The following HDAC4 variants were observed in gnomAD, a reference collection of about 807,000 sequenced individuals.
The protein encoded by HDAC4 is histone deacetylase 4.
In HDAC4, 16 loss-of-function variants were observed where a neutral mutation model predicts 135.1. The observed-to-expected ratio is 0.12, with a 90% CI of 0.08 to 0.18. The LOEUF is 0.18. HDAC4 is among the 10% of genes least tolerant of loss of function. The pLI, the probability that HDAC4 is intolerant of heterozygous loss-of-function variation, is 1.00. For synonymous variants in HDAC4, 685 were observed against 653.4 expected, an observed-to-expected ratio of 1.05 and a Z score of -0.74; for missense variants, 1,143 against 1,511.8, an observed-to-expected ratio of 0.76 and a Z score of 4.05.
At chr2:239,124,870 C>T (rs1162032757) in intron 12 of HDAC4, among the ~76,000 whole-genome samples, 4 of 100,486 alleles carry the variant, frequency 4.0e-5, no homozygotes, top group Non-Finnish European at 8.1e-5. Flanking sequence ...GGTGTGCTGG[C>T]GTGTGGCCGC....
intron 2 of HDAC4, among the ~76,000 whole-genome samples, chr2:239,252,765 G>C (rs1021601397): frequency 1.3e-5 from 2 of 152,204 alleles, no homozygotes; most frequent in African/African-American, 2.4e-5. Flanking sequence ...ATAGCTCTAA[G>C]AACAGAGTTA....
chr2:239,171,888 T>C (rs977417818), intron 5 of HDAC4, among the ~76,000 whole-genome samples: 2 of 152,172 alleles, frequency 1.3e-5, no homozygotes, highest in East Asian at 3.9e-4. Flanking sequence ...CCTAGAATTC[T>C]ATACTCAGCA....
At chr2:239,188,772 A>G (rs2044712981) in intron 4 of HDAC4, among the ~76,000 whole-genome samples, 1 of 152,240 alleles carries the variant, frequency 6.6e-6, no homozygotes, top group South Asian at 2.1e-4. Context: ...CATGTTGGCC[A>G]TGCTTCCTCT....
intron 2 of HDAC4, among the ~76,000 whole-genome samples, chr2:239,272,193 A>G (rs6705378): frequency 0.47 from 71,838 of 152,082 alleles, 18,056 homozygotes; most frequent in African/African-American, 0.65. Context: ...ATTTACATTC[A>G]ACAGAAGCCA....
chr2:239,394,329 T>C lies in HDAC4; in HGVS notation c.-220+6649A>G, dbSNP rs139219770. Among the ~76,000 whole-genome samples, 181 of 152,358 alleles carry C rather than the reference T, an allele frequency of 1.2e-3. 1 individual carries two copies. Among genetic ancestry groups the C allele is most frequent in the African/African-American group, 4.3e-3 (177 of 41,580 alleles). ...ATGTTTATGTACACAAACATATTAA[T>C]GTATCATATTAAAATTATGACGCTA... On this transcript the variant is annotated intron_variant, in intron 1 of 26. Transcript: ENST00000543185.
At position 239,232,814 on chromosome 2, in the gene HDAC4, T is replaced by TC. The variant is rs202151590; in HGVS notation, c.94+3778dup. Among the ~76,000 whole-genome samples the TC allele has an allele frequency of 3.7e-4, 5 of 13,634 alleles. 1 individual carries two copies. The highest frequency in any genetic ancestry group is 5.7e-3 in the East Asian group (1 of 176). The allele number at this position is 13,634 out of a possible 152,430, so 8.9% of individuals were successfully genotyped here. A position where few individuals can be genotyped will look rare whatever the true frequency, so the allele number is the denominator to read the frequency against. On this transcript the variant is annotated intron_variant, in intron 3 of 26. Transcript: ENST00000543185. Reference sequence around the variant, plus strand: ...CCCTCACCAAGCCAAGGGTGGCCCTTCCCTCACCAAGCCAAGGGTGGCCCT... The same window carrying TC: ...CCCTCACCAAGCCAAGGGTGGCCCTTCCCCTCACCAAGCCAAGGGTGGCCCT...
rs1014349856 is a variant in HDAC4, at chr2:239,299,460, G to A, written c.22+53218C>T. On this transcript the variant is annotated intron_variant, in intron 2 of 26. Transcript: ENST00000543185. The surrounding 1 kb of genome is among the most constrained non-coding windows in gnomAD (Gnocchi z 4.0). ...ATTCTGATCCCCTCGCACAACCACG[G>A]CACTGGGGTGCCGAAACCAGAAGAG... Among the ~76,000 whole-genome samples the A allele has an allele frequency of 2.0e-5, 3 of 152,192 alleles. No homozygotes were observed. Among genetic ancestry groups the A allele is most frequent in the Non-Finnish European group, 2.9e-5 (2 of 68,032 alleles).
At chr2:239,242,577 G>A (rs185342865) in intron 2 of HDAC4, among the ~76,000 whole-genome samples, 1 of 152,228 alleles carries the variant, frequency 6.6e-6, no homozygotes, top group Non-Finnish European at 1.5e-5. Context: ...ATAGAATCAG[G>A]TCACGTACAA....
At position 239,156,672 on chromosome 2, in the gene HDAC4, T is replaced by C; in HGVS notation, c.713A>G (p.Asp238Gly). 2 of 1,614,056 alleles carry C rather than the reference T, an allele frequency of 1.2e-6. No homozygotes were observed. Among genetic ancestry groups the C allele is most frequent in the Non-Finnish European group, 1.7e-6 (2 of 1,179,992 alleles). Residue 238 changes from aspartate to glycine, a missense_variant, in exon 7 of 27, where the codon GAC becomes GGC. Transcript: ENST00000543185. ...CTGACCTGTTTTCCTAAGAGGGAAG[T>C]CATCTTTGGCGTCGTACATTCCCAG... ...PVLGMYDAKD[D>G]FPLRKTASEP...
intron 7 of HDAC4, among the ~76,000 whole-genome samples, chr2:239,145,720 T>G (rs2041712059): frequency 6.6e-6 from 1 of 152,198 alleles, no homozygotes; most frequent in African/African-American, 2.4e-5. Flanking sequence ...TTACCTCTTC[T>G]TAAAGAATCA....
intron 5 of HDAC4, among the ~76,000 whole-genome samples, chr2:239,168,355 T>A (rs1363636921): frequency 1.3e-5 from 2 of 152,148 alleles, no homozygotes; most frequent in East Asian, 3.9e-4. Context: ...GTGTCTTAGA[T>A]TCCCAAGTGC....
intron 2 of HDAC4, among the ~76,000 whole-genome samples, chr2:239,259,496 C>T (rs2049229033): frequency 6.6e-6 from 1 of 152,170 alleles, no homozygotes; most frequent in Non-Finnish European, 1.5e-5. Context: ...TTATAAATTA[C>T]CTATATGCCA....
intron 3 of HDAC4, among the ~76,000 whole-genome samples, chr2:239,211,443 C>G (rs551279859): frequency 6.6e-6 from 1 of 152,294 alleles, no homozygotes; most frequent in African/African-American, 2.4e-5. Context: ...CTGCACACAT[C>G]TTGACTGGGT....
intron 12 of HDAC4, among the ~76,000 whole-genome samples, chr2:239,126,191 C>T (rs368064250): frequency 4.6e-5 from 7 of 152,330 alleles, no homozygotes; most frequent in South Asian, 2.1e-4. Flanking sequence ...GGAACTCACA[C>T]GGGCTGGTGG....
intron 2 of HDAC4, among the ~76,000 whole-genome samples, chr2:239,254,813 A>G (rs1206065980): frequency 2.6e-5 from 4 of 152,268 alleles, no homozygotes; most frequent in African/African-American, 7.2e-5. Flanking sequence ...ATTAGGATAA[A>G]TAAGTGTGAA....
intron 2 of HDAC4, among the ~76,000 whole-genome samples, chr2:239,339,150 C>G (rs914083500): frequency 2.0e-5 from 3 of 152,218 alleles, no homozygotes; most frequent in African/African-American, 7.2e-5. Context: ...CATCAGCCAC[C>G]TGCTGTTCCT....
At chr2:239,112,420 C>T (rs1209246142) in intron 13 of HDAC4, among the ~76,000 whole-genome samples, 1 of 152,208 alleles carries the variant, frequency 6.6e-6, no homozygotes, top group Non-Finnish European at 1.5e-5. Flanking sequence ...TCTCACATCC[C>T]ACACACCCTC....
chr2:239,198,595 T>C lies in HDAC4; in HGVS notation c.95-8518A>G, dbSNP rs185230094. ...ATAGTCGCTGGAGAGCACCCCTTTG[T>C]GGCAGCGCAGCTTCCATCTGGTGAG... is the stretch of plus-strand genomic sequence containing the variant. On this transcript the variant is annotated intron_variant, in intron 3 of 26. Coordinates refer to ENST00000543185, the MANE Select transcript of HDAC4 (RefSeq NM_001378414.1). Among the ~76,000 whole-genome samples, 188 of 152,312 alleles carry C rather than the reference T, an allele frequency of 1.2e-3. 1 individual carries two copies. The highest frequency in any genetic ancestry group is 4.1e-3 in the African/African-American group (171 of 41,570).
rs1357822532 is a variant in HDAC4, at chr2:239,313,651, T to A, written c.22+39027A>T. On this transcript the variant is annotated intron_variant, in intron 2 of 26. Transcript: ENST00000543185. This position sits in a 1 kb window ranked among gnomAD's most constrained non-coding sequence, Gnocchi z 5.1. ...TTAAGGACACAGAGAAAGTTTCTTA[T>A]GAAAATAAGCGCCTCAAAAGAAAGC... Among the ~76,000 whole-genome samples the A allele has an allele frequency of 6.6e-6, 1 of 152,160 alleles. No homozygotes were observed. The highest frequency in any genetic ancestry group is 1.5e-5 in the Non-Finnish European group (1 of 68,036).
Sources: gnomAD v4.1 joint callset for allele counts (sites outside exome capture counted in the v4.1 genomes callset) on GRCh38, gnomAD v4.1.1 for gene constraint, Gnocchi (gnomAD v3.1) non-coding constraint, MANE v1.5 for transcripts, NCBI Gene and HGNC (gene_info 2026-07-23, HGNC 2026-07-21) for gene names.